EGFR: variants seen among roughly 807,000 people sequenced by gnomAD.
EGFR encodes avian erythroblastic leukemia viral (v-erb-b) oncogene homolog.
In EGFR, 58 loss-of-function variants were observed where a neutral mutation model predicts 143.0. That is an observed-to-expected ratio of 0.41 (90% CI 0.33 to 0.50). The LOEUF (loss-of-function observed/expected upper bound fraction) is 0.50. EGFR is among the 20% of genes least tolerant of loss of function. The pLI is 0.39. For synonymous variants in EGFR, 613 were observed against 594.4 expected (o/e 1.03, Z -0.45); for missense variants, 1,307 against 1,579.0 (o/e 0.83, Z 2.92).
chr7:55,174,881 C>T (rs1786530771), intron 19 of EGFR, 61 bp downstream of exon 19: 1 of 1,323,794 alleles, frequency 7.6e-7, no homozygotes, highest in African/African-American at 1.4e-5. Context: ...CACCTTTTCT[C>T]ATGTCTGGCA....
chr7:55,170,652 C>T, intron 15 of EGFR: 1 of 1,597,700 alleles, frequency 6.3e-7, no homozygotes, highest in South Asian at 1.1e-5. Flanking sequence ...CCTTCCACTC[C>T]CTTTGCCAGT....
chr7:55,163,241 G>A (rs748580886), intron 13 of EGFR, among the ~76,000 whole-genome samples: 17 of 152,174 alleles, frequency 1.1e-4, no homozygotes, highest in Non-Finnish European at 1.9e-4. Flanking sequence ...GCTTAACATT[G>A]ATGTGTACAT....
At position 55,200,468 on chromosome 7, in the gene EGFR, A is replaced by G. The variant is rs1787798674; in HGVS notation, c.2946+55A>G. On this transcript the variant is annotated intron_variant, in intron 24 of 27. Coordinates refer to ENST00000275493, the MANE Select transcript of EGFR (RefSeq NM_005228.5). ...GAAGAGTCCCTCTAATGAGCATCTC[A>G]TGTCACTGTGTTCTGTCACATGCCA... 2.0e-6 allele frequency: 3 copies of G among 1,538,044 alleles called. No individual in the cohort carries two copies. In the Admixed American group the frequency reaches 5.0e-5, roughly 26 times the overall value.
chr7:55,058,572 C>T (rs977499545), intron 1 of EGFR, among the ~76,000 whole-genome samples: 1 of 152,126 alleles, frequency 6.6e-6, no homozygotes, highest in Non-Finnish European at 1.5e-5. Context: ...ATGGATGGAA[C>T]TGCAGGTCAT....
intron 1 of EGFR, among the ~76,000 whole-genome samples, chr7:55,098,344 G>C (rs1048482665): frequency 2.8e-4 from 42 of 152,294 alleles, no homozygotes; most frequent in African/African-American, 9.9e-4. Flanking sequence ...TCCTGAGGGT[G>C]GTCTGACCCG....
At chr7:55,168,518 C>T (rs1786183557) in intron 15 of EGFR, 1 of 1,528,148 alleles carries the variant, frequency 6.5e-7, no homozygotes, top group Non-Finnish European at 9.1e-7. Flanking sequence ...TCTATTTTTT[C>T]CCAGGTCCTA....
At chr7:55,151,173 A>T in intron 4 of EGFR, 121 bp from the exon 5 acceptor site, 1 of 997,984 alleles carries the variant, frequency 1.0e-6, no homozygotes, top group Non-Finnish European at 1.6e-6. Context: ...CCAAACAATC[A>T]GAGAATAAGT....
At chr7:55,123,882 T>C (rs1298306528) in intron 1 of EGFR, among the ~76,000 whole-genome samples, 1 of 109,958 alleles carries the variant, frequency 9.1e-6, no homozygotes, top group East Asian at 3.8e-4. Context: ...CGTGTGTAAA[T>C]GGATGTGTGT....
At chr7:55,175,047 A>G (rs1467352321) in intron 19 of EGFR, among the ~76,000 whole-genome samples, 2 of 152,184 alleles carry the variant, frequency 1.3e-5, no homozygotes, top group African/African-American at 4.8e-5. Flanking sequence ...GAAACAGGCA[A>G]TTACTGGCAT....
intron 15 of EGFR, among the ~76,000 whole-genome samples, chr7:55,168,864 A>G (rs1786202551): frequency 6.6e-6 from 1 of 152,160 alleles, no homozygotes; most frequent in South Asian, 2.1e-4. Context: ...CTGAGTATTT[A>G]TGACGTGCAC....
intron 1 of EGFR, among the ~76,000 whole-genome samples, chr7:55,113,467 C>T (rs1288835347): frequency 1.3e-5 from 2 of 152,162 alleles, no homozygotes; most frequent in Non-Finnish European, 2.9e-5. Context: ...CATGTGTTTG[C>T]AGGATGGTGG....
intron 1 of EGFR, among the ~76,000 whole-genome samples, chr7:55,053,883 C>T (rs1486606035): frequency 1.3e-5 from 2 of 152,214 alleles, no homozygotes; most frequent in Admixed American, 6.5e-5. Flanking sequence ...CAATCTGCTT[C>T]GCGATGAACC....
chr7:55,172,523 T>C (rs549854671), intron 16 of EGFR, among the ~76,000 whole-genome samples: 1 of 151,440 alleles, frequency 6.6e-6, no homozygotes, highest in South Asian at 2.1e-4. Context: ...CCCAGAGGAG[T>C]CTCAGCATTG....
intron 2 of EGFR, 99 bp from the exon 3 acceptor site, chr7:55,143,206 G>GTTCA (rs1794564176): frequency 7.8e-7 from 1 of 1,281,732 alleles, no homozygotes; most frequent in Non-Finnish European, 1.1e-6. Context: ...GTGCATTAGG[G>GTTCA]TTCAACTGGG....
At chr7:55,065,181 A>G (rs765939533) in intron 1 of EGFR, among the ~76,000 whole-genome samples, 9 of 152,154 alleles carry the variant, frequency 5.9e-5, no homozygotes, top group Non-Finnish European at 8.8e-5. Flanking sequence ...CAGATGTGCA[A>G]CTCTGGAATT....
chr7:55,149,660 T>C (rs1485089364), intron 4 of EGFR, among the ~76,000 whole-genome samples: 1 of 152,038 alleles, frequency 6.6e-6, no homozygotes, highest in African/African-American at 2.4e-5. Context: ...CCAATCAATA[T>C]CACATTTCGG....
At chr7:55,036,135 G>A (rs1304611283) in intron 1 of EGFR, among the ~76,000 whole-genome samples, 1 of 151,964 alleles carries the variant, frequency 6.6e-6, no homozygotes, top group Non-Finnish European at 1.5e-5. Context: ...AGAGAGCTAA[G>A]ATAGATAAAG....
At chr7:55,181,881 G>T in intron 20 of EGFR, 1 of 317,588 alleles carries the variant, frequency 3.1e-6, no homozygotes. Flanking sequence ...AGGTGATAGT[G>T]GTGGAGTGGA....
At position 55,193,168 on chromosome 7, in the gene EGFR, T is replaced by TTAATG. The variant is rs554736986; in HGVS notation, c.2701+328_2701+329insAATGT. ...ACCAAACCATTAATGTTGCCATGAA[T>TTAATG]TTGAAGTGAACCAGAGGGAGGTGGC... is the stretch of plus-strand genomic sequence containing the variant. On this transcript the variant is annotated intron_variant, in intron 22 of 27. Coordinates refer to ENST00000275493, the MANE Select transcript of EGFR (RefSeq NM_005228.5). 4.4e-3 allele frequency among the ~76,000 whole-genome samples: 676 copies of TTAATG among 152,168 alleles called. 3 individuals are homozygous for TTAATG. The highest frequency in any genetic ancestry group is 7.0e-3 in the Admixed American group (107 of 15,296).
Sources: gnomAD v4.1 joint callset for allele counts (sites outside exome capture counted in the v4.1 genomes callset) on GRCh38, gnomAD v4.1.1 for gene constraint, MANE v1.5 for transcripts, NCBI Gene and HGNC (gene_info 2026-07-23, HGNC 2026-07-21) for gene names.